The following FNDC3B variants were observed in gnomAD, a reference collection of about 807,000 sequenced individuals.
The protein encoded by FNDC3B is fibronectin type III domain-containing protein 3B.
Under a neutral mutation model 151.5 loss-of-function variants are expected in FNDC3B, and 12 were observed. That is an observed-to-expected ratio of 0.08 (90% confidence interval 0.05 to 0.13). The LOEUF is 0.13. Ranked by LOEUF, FNDC3B falls within the 10% of genes least tolerant of loss-of-function variation. FNDC3B has a pLI of 1.00. For missense variants in FNDC3B, 1,214 were observed against 1,505.3 expected (o/e 0.81, Z 3.20); for synonymous variants, 528 against 549.0 (o/e 0.96, Z 0.54).
At chr3:172,213,424 G>A (rs1338160297) in intron 3 of FNDC3B, among the ~76,000 whole-genome samples, 1 of 152,194 alleles carries the variant, frequency 6.6e-6, no homozygotes, top group Non-Finnish European at 1.5e-5. Flanking sequence ...CAAAGGCAGT[G>A]ATAGAGATAA....
At chr3:172,161,976 A>ATTT (rs35592121) in intron 3 of FNDC3B, among the ~76,000 whole-genome samples, 2 of 138,152 alleles carry the variant, frequency 1.4e-5, no homozygotes, top group South Asian at 2.3e-4. Context: ...TCTTAGGATA[A>ATTT]TTTTTTTTTT....
At chr3:172,264,567 G>A (rs1392350176) in intron 6 of FNDC3B, among the ~76,000 whole-genome samples, 1 of 151,816 alleles carries the variant, frequency 6.6e-6, no homozygotes, top group East Asian at 1.9e-4. Context: ...TGTATATCTG[G>A]CTTCCAAGAC....
chr3:172,070,096 G>A (rs1313421078), intron 1 of FNDC3B, among the ~76,000 whole-genome samples: 1 of 152,178 alleles, frequency 6.6e-6, no homozygotes, highest in African/African-American at 2.4e-5. Context: ...TCCAGGGCAT[G>A]TATGATGTCT....
chr3:172,091,871 GGGGTGTGT>G (rs1682395419), intron 1 of FNDC3B, among the ~76,000 whole-genome samples: 1 of 26,330 alleles, frequency 3.8e-5, no homozygotes, highest in Non-Finnish European at 7.0e-5. Context: ...TGACTTTACT[GGGGTGTGT>G]GTGTGTGTGT....
At chr3:172,376,466 A>T (rs529264361) in intron 23 of FNDC3B, among the ~76,000 whole-genome samples, 2 of 152,244 alleles carry the variant, frequency 1.3e-5, no homozygotes, top group African/African-American at 4.8e-5. Context: ...TGTAATGAAG[A>T]TGTAACACTT....
chr3:172,151,720 T>C (rs1172067596), intron 3 of FNDC3B, among the ~76,000 whole-genome samples: 2 of 152,218 alleles, frequency 1.3e-5, no homozygotes, highest in African/African-American at 4.8e-5. Flanking sequence ...TGAAATACCC[T>C]AAGTCCTCAT....
At position 172,307,472 on chromosome 3, in the gene FNDC3B, A is replaced by G. The variant is rs773727720; in HGVS notation, c.1171A>G (p.Ser391Gly). The G allele has an allele frequency of 1.1e-5, 18 of 1,614,040 alleles. No homozygotes were observed. In the South Asian group the frequency reaches 2.0e-4, roughly 18 times the overall value. ...CPFPPKLAHR[S>G]KSSLTLQWKA... ...TTTCCCCCCTAAGCTGGCACATAGG[A>G]GCAAAAGTTCACTAACCCTGCAGTG... Residue 391 changes from serine (S) to glycine (G), a missense_variant, in exon 10 of 26, where the codon AGC becomes GGC. Physicochemically the swap from Ser to Gly is moderately conservative, Grantham distance 56. Around this residue, in one of 7 missense-constraint regions of FNDC3B, gnomAD observed 156 missense variants for 225.3 expected, o/e 0.69. Coordinates refer to ENST00000415807, the MANE Select transcript of FNDC3B (RefSeq NM_022763.4).
intron 1 of FNDC3B, among the ~76,000 whole-genome samples, chr3:172,103,436 C>G (rs1452742567): frequency 6.6e-6 from 1 of 151,902 alleles, no homozygotes; most frequent in Non-Finnish European, 1.5e-5. Flanking sequence ...TTTTTCTCCC[C>G]GAGAAAATAG....
chr3:172,371,348 A>G (rs1185732493), intron 23 of FNDC3B, among the ~76,000 whole-genome samples: 2 of 152,092 alleles, frequency 1.3e-5, no homozygotes, highest in Admixed American at 1.3e-4. Flanking sequence ...TTTTTCCCCC[A>G]TTATTTTCTA....
chr3:172,048,700 C>T (rs1716484829), intron 1 of FNDC3B, among the ~76,000 whole-genome samples: 1 of 151,958 alleles, frequency 6.6e-6, no homozygotes, highest in Non-Finnish European at 1.5e-5. Flanking sequence ...AACCCATGCC[C>T]ATCAACAGAT....
At chr3:172,186,888 G>T in intron 3 of FNDC3B, 2 of 546,170 alleles carry the variant, frequency 3.7e-6, no homozygotes, top group South Asian at 2.5e-5. Flanking sequence ...TCAGTTCTGT[G>T]ACTTGAGTTT....
intron 1 of FNDC3B, among the ~76,000 whole-genome samples, chr3:172,091,873 G>GGTGTGTATGTGTGTGT (rs1553760108): frequency 4.0e-5 from 5 of 124,756 alleles, no homozygotes; most frequent in Non-Finnish European, 8.2e-5. Flanking sequence ...ACTTTACTGG[G>GGTGTGTATGTGTGTGT]GTGTGTGTGT....
chr3:172,191,359 C>G (rs1034658448), intron 3 of FNDC3B, among the ~76,000 whole-genome samples: 10 of 152,164 alleles, frequency 6.6e-5, no homozygotes, highest in Non-Finnish European at 1.5e-5. Flanking sequence ...CTTTAAAGTA[C>G]CATCAGAACT....
intron 11 of FNDC3B, among the ~76,000 whole-genome samples, chr3:172,312,890 A>G (rs1731589757): frequency 6.6e-6 from 1 of 152,140 alleles, no homozygotes; most frequent in Admixed American, 6.5e-5. Flanking sequence ...GAGAGGAAGG[A>G]TGCCACAGCC....
intron 4 of FNDC3B, among the ~76,000 whole-genome samples, chr3:172,232,078 A>G (rs1217285003): frequency 6.6e-6 from 1 of 151,804 alleles, no homozygotes; most frequent in Admixed American, 6.6e-5. Context: ...ATGGGGTTTC[A>G]TAATGTTGGT....
intron 6 of FNDC3B, among the ~76,000 whole-genome samples, chr3:172,261,565 A>G (rs530009574): frequency 5.3e-5 from 8 of 152,334 alleles, no homozygotes; most frequent in Admixed American, 2.0e-4. Flanking sequence ...ACAGTGTAGC[A>G]GACGCTATTA....
At chr3:172,236,601 T>A (rs1230270578) in intron 4 of FNDC3B, among the ~76,000 whole-genome samples, 1 of 152,186 alleles carries the variant, frequency 6.6e-6, no homozygotes, top group Non-Finnish European at 1.5e-5. Context: ...ACCCCTACTT[T>A]GAGATGAGGC....
chr3:172,054,786 T>C (rs759805419), intron 1 of FNDC3B, among the ~76,000 whole-genome samples: 2 of 152,306 alleles, frequency 1.3e-5, no homozygotes, highest in Non-Finnish European at 2.9e-5. Flanking sequence ...GACCCCTCTC[T>C]CTATAGTTGG....
intron 4 of FNDC3B, among the ~76,000 whole-genome samples, chr3:172,242,966 C>A (rs1018450360): frequency 1.3e-5 from 2 of 152,134 alleles, no homozygotes; most frequent in African/African-American, 4.8e-5. Flanking sequence ...TTTCTTCTGC[C>A]GGATACCCTA....
Sources: allele counts gnomAD v4.1 joint callset (sites outside exome capture counted in the v4.1 genomes callset), GRCh38; gene constraint gnomAD v4.1.1; regional missense constraint gnomAD v4.1.1; transcripts MANE v1.5; gene names NCBI Gene and HGNC (gene_info 2026-07-23, HGNC 2026-07-21).